XKRX: variants seen among roughly 807,000 people sequenced by gnomAD.
XKRX encodes the protein XK related X-linked.
A neutral mutation model predicts 22.4 loss-of-function variants in XKRX; 11 were observed. The ratio of observed to expected loss-of-function variants is 0.49; its 90% CI spans 0.31 to 0.81. The LOEUF (loss-of-function observed/expected upper bound fraction) is 0.81, where lower values mean the gene tolerates loss of function less well. Ranked by LOEUF, XKRX falls within the 40% of genes least tolerant of loss-of-function variation. The probability of loss-of-function intolerance (pLI) is 0.05; values close to 1 mark genes in which losing one functional copy is unlikely to be tolerated. For synonymous variants in XKRX, 114 were observed against 132.2 expected (o/e 0.86, Z 0.94); for missense variants, 320 against 336.5 (o/e 0.95, Z 0.38).
chrX:100,910,853 C>T, downstream of XKRX: 2 of 759,580 alleles, frequency 2.6e-6, no homozygotes, highest in East Asian at 6.4e-5. Context: ...GAAGGCTAAG[C>T]TTTACCATAA....
rs2085427063 is a variant in XKRX at position 100,915,040 on chromosome X, G to A, written c.648C>T (p.Ala216=). The A allele has an allele frequency of 8.3e-7, 1 of 1,210,277 alleles. No individual in the cohort carries two copies. Among genetic ancestry groups the A allele is most frequent in the Non-Finnish European group, 1.1e-6 (1 of 894,564 alleles). ...GGATAGCCAACATATTGCAAAGGGTGGCCCCATAGGTGACAGATACCAGGG... is the reference window on the plus strand; with the variant it reads ...GGATAGCCAACATATTGCAAAGGGTAGCCCCATAGGTGACAGATACCAGGG... The part of the protein sequence containing the change: ...VFSLVSVTYG[A]TLCNMLAIQI... Residue 216 remains alanine, a synonymous_variant, in exon 3 of 3, where the codon GCC becomes GCT. Transcript: ENST00000372956.
chrX:100,909,896 C>A (rs1187414417), downstream of XKRX, among the ~76,000 whole-genome samples: 2 of 61,189 alleles, frequency 3.3e-5, no homozygotes, highest in African/African-American at 1.3e-4. Flanking sequence ...GAGCGAGACT[C>A]CATCTCAAAA....
chrX:100,957,340 C>T, the XKRX span: 3 of 1,152,755 alleles, frequency 2.6e-6, no homozygotes, highest in Non-Finnish European at 2.4e-6. Context: ...ATTTGGACTC[C>T]GGTTACTGGT....
In XKRX at chrX:100,914,207, C is replaced by T; in HGVS notation, c.*131G>A. 3 of 806,755 alleles carry T rather than the reference C, an allele frequency of 3.7e-6. No homozygotes were observed. The highest frequency in any genetic ancestry group is 5.3e-6 in the Non-Finnish European group (3 of 564,239). 66.5% of individuals were successfully genotyped at this position (806,755 alleles called of 1,213,427 possible). ...ACCTATTTGGGAGTTGCTCTTTCTT[C>T]TGATAGGCTTAACAGAAAAGTCAAG... On this transcript the variant is annotated 3_prime_UTR_variant, in exon 3 of 3. Coordinates refer to ENST00000372956, the MANE Select transcript of XKRX (RefSeq NM_212559.3).
the XKRX span, among the ~76,000 whole-genome samples, chrX:100,942,284 A>C: frequency 1.8e-5 from 2 of 112,318 alleles, no homozygotes; most frequent in Non-Finnish European, 3.8e-5. Context: ...GGCTCTCCTC[A>C]TGAGTCATTA....
At chrX:100,892,781 A>T in the XKRX span, among the ~76,000 whole-genome samples, 1 of 112,568 alleles carries the variant, frequency 8.9e-6, no homozygotes, top group Non-Finnish European at 1.9e-5. Context: ...TTCCTAAAAA[A>T]GTTAAAAACA....
chrX:100,908,574 C>G (rs925924412), downstream of XKRX, among the ~76,000 whole-genome samples: 81 of 111,916 alleles, frequency 7.2e-4, no homozygotes, highest in African/African-American at 2.5e-3. Context: ...ACTGATTGTG[C>G]CAATCCTTCA....
At chrX:100,897,909 TTCTACTGGCCAATGATAAGACAA>T in the XKRX span, among the ~76,000 whole-genome samples, 11 of 110,034 alleles carry the variant, frequency 1.0e-4, no homozygotes, top group Non-Finnish European at 1.9e-5. Context: ...TTGGAGGGGA[TTCTACTGGCCAATGATAAGACAA>T]TTTGTGCATA....
chrX:100,936,540 C>CAAAAAAAAAAAAAAAAAAAAAAAAAA, the XKRX span, among the ~76,000 whole-genome samples: 2 of 25,401 alleles, frequency 7.9e-5, no homozygotes, highest in African/African-American at 1.2e-4. Flanking sequence ...GACTCTGTCT[C>CAAAAAAAAAAAAAAAAAAAAAAAAAA]AAAAAAAAAA....
At chrX:100,927,933 G>A (rs2085504847) in intron 1 of XKRX, 37 bp downstream of exon 1, 1 of 1,158,417 alleles carries the variant, frequency 8.6e-7, no homozygotes, top group Non-Finnish European at 1.1e-6. Flanking sequence ...CTGGGGTGGG[G>A]TTAGGGGGGT....
chrX:100,941,319 G>A, the XKRX span, among the ~76,000 whole-genome samples: 1 of 111,961 alleles, frequency 8.9e-6, no homozygotes, highest in Non-Finnish European at 1.9e-5. Context: ...GGCCAAGGTG[G>A]GTGGATCACC....
the XKRX span, among the ~76,000 whole-genome samples, chrX:100,945,427 C>T: frequency 9.8e-5 from 11 of 112,217 alleles, no homozygotes; most frequent in Admixed American, 1.9e-4. Flanking sequence ...CCCTGCTTCT[C>T]GAACTTTAAT....
chrX:100,894,223 C>T, the XKRX span, among the ~76,000 whole-genome samples: 2 of 111,564 alleles, frequency 1.8e-5, no homozygotes, highest in African/African-American at 3.3e-5. Flanking sequence ...GCCAAGATTG[C>T]GGCACTGCAC....
the XKRX span, among the ~76,000 whole-genome samples, chrX:100,952,441 C>A: frequency 9.2e-6 from 1 of 109,199 alleles, no homozygotes; most frequent in African/African-American, 3.3e-5. Context: ...CTCCAAAGAT[C>A]AGAAAAAAAG....
chrX:100,917,679 A>AAAGAAAG (rs1556194002), intron 2 of XKRX, among the ~76,000 whole-genome samples: 5 of 86,131 alleles, frequency 5.8e-5, no homozygotes, highest in Admixed American at 1.3e-4. Context: ...GAAAGAAAAG[A>AAAGAAAG]AAGAAAGAAA....
At chrX:100,923,756 C>T (rs187175262) in intron 1 of XKRX, among the ~76,000 whole-genome samples, 166 of 110,883 alleles carry the variant, frequency 1.5e-3, no homozygotes, top group African/African-American at 5.1e-3. Flanking sequence ...ACCTCAAATT[C>T]GTGAGGTAAA....
chrX:100,958,064 A>G, the XKRX span, among the ~76,000 whole-genome samples: 22 of 112,196 alleles, frequency 2.0e-4, 1 homozygote, highest in Non-Finnish European at 1.9e-5. Flanking sequence ...ATCCTCAATC[A>G]ATCAATCAAG....
intron 2 of XKRX, among the ~76,000 whole-genome samples, chrX:100,916,503 C>T (rs867072109): frequency 1.3e-4 from 14 of 111,963 alleles, no homozygotes; most frequent in Non-Finnish European, 1.7e-4. Context: ...AAGCAGGCTT[C>T]GGAGCAAACA....
intron 1 of XKRX, among the ~76,000 whole-genome samples, chrX:100,925,239 A>G (rs1046391680): frequency 8.9e-6 from 1 of 111,916 alleles, no homozygotes; most frequent in Non-Finnish European, 1.9e-5. Context: ...TTCTGGTTTA[A>G]GTAAGGGTGT....
Sources: allele counts gnomAD v4.1 joint callset (sites outside exome capture counted in the v4.1 genomes callset), GRCh38; gene constraint gnomAD v4.1.1; transcripts MANE v1.5; gene names NCBI Gene and HGNC (gene_info 2026-07-23, HGNC 2026-07-21).